Variants in ULK4 observed in about 807,000 individuals in gnomAD.
ULK4 encodes inactive serine/threonine-protein kinase ULK4.
ULK4 carries 133 observed loss-of-function variants against 160.6 expected under a neutral mutation model. The observed-to-expected ratio is 0.83, with a 90% CI of 0.72 to 0.96. The LOEUF (loss-of-function observed/expected upper bound fraction) is 0.96. ULK4 is among the 40% of genes least tolerant of loss of function. The pLI, the probability that ULK4 is intolerant of heterozygous loss-of-function variation, is 0.00. For synonymous variants in ULK4, 534 were observed against 539.8 expected, an observed-to-expected ratio of 0.99 and a Z score of 0.15; for missense variants, 1,580 against 1,499.5, an observed-to-expected ratio of 1.05 and a Z score of -0.89.
chr3:41,656,145 G>A (rs577145082), intron 30 of ULK4, among the ~76,000 whole-genome samples: 1 of 152,082 alleles, frequency 6.6e-6, no homozygotes, highest in African/African-American at 2.4e-5. Flanking sequence ...TTCTGTCAAT[G>A]GGATTACCTC....
At chr3:41,305,351 A>C (rs1006972263) in intron 35 of ULK4, among the ~76,000 whole-genome samples, 5 of 152,176 alleles carry the variant, frequency 3.3e-5, no homozygotes, top group African/African-American at 1.2e-4. Flanking sequence ...CTGACTGAGC[A>C]TGCTGAGTGC....
chr3:41,406,514 G>A (rs886951899), intron 34 of ULK4, among the ~76,000 whole-genome samples: 2 of 152,162 alleles, frequency 1.3e-5, no homozygotes, highest in Non-Finnish European at 2.9e-5. Context: ...AATGTCGGTA[G>A]CTTGATAGGA....
chr3:41,797,916 AAGAAAAGAAAAG>A (rs572221260), intron 20 of ULK4, among the ~76,000 whole-genome samples: 30 of 150,934 alleles, frequency 2.0e-4, no homozygotes, highest in Admixed American at 4.6e-4. Flanking sequence ...AACAAAACAA[AAGAAAAGAAAAG>A]AGAAAAGAAA....
intron 22 of ULK4, among the ~76,000 whole-genome samples, chr3:41,740,494 C>A (rs1035659990): frequency 4.6e-5 from 7 of 151,718 alleles, no homozygotes; most frequent in African/African-American, 1.7e-4. Flanking sequence ...GAGTATGAAG[C>A]CATTTGGAGA....
At chr3:41,736,667 C>G (rs1485027652) in intron 22 of ULK4, among the ~76,000 whole-genome samples, 8 of 151,144 alleles carry the variant, frequency 5.3e-5, no homozygotes, top group Admixed American at 5.3e-4. Flanking sequence ...ATGGTAGTTT[C>G]TTTTGCTGTG....
intron 5 of ULK4, among the ~76,000 whole-genome samples, chr3:41,931,202 G>A (rs996909080): frequency 3.3e-5 from 5 of 152,004 alleles, no homozygotes; most frequent in East Asian, 1.9e-4. Flanking sequence ...GAAGCTGGAC[G>A]CCATCATTCT....
rs558472165 is a variant in ULK4, at chr3:41,807,745, C to T, written c.1849-7452G>A. Among the ~76,000 whole-genome samples, 4 of 152,230 alleles carry T rather than the reference C, an allele frequency of 2.6e-5. No individual in the cohort carries two copies. In the East Asian group the frequency reaches 5.8e-4, roughly 22 times the overall value. On this transcript the variant is annotated intron_variant, in intron 19 of 36. Coordinates refer to ENST00000301831, the MANE Select transcript of ULK4 (RefSeq NM_017886.4). Reference sequence around the variant, plus strand: ...GAAATCTTAAATATCCTTCAATTTCCCAAACTTCAACACATTTTTCATTTC... The same window carrying T: ...GAAATCTTAAATATCCTTCAATTTCTCAAACTTCAACACATTTTTCATTTC...
At position 41,773,803 on chromosome 3, in the gene ULK4, G is replaced by A. The variant is rs201165103; in HGVS notation, c.2193+15858C>T. Among the ~76,000 whole-genome samples the A allele has an allele frequency of 3.1e-3, 469 of 152,188 alleles. 12 individuals carry two copies. The East Asian group carries it at 0.066, about 21-fold the overall frequency. On this transcript the variant is annotated intron_variant, in intron 21 of 36. Coordinates refer to ENST00000301831, the MANE Select transcript of ULK4 (RefSeq NM_017886.4). The stretch of plus-strand genomic sequence containing the variant: ...AAAAGAACAAAGCTGGAGGCATCAC[G>A]CTACCTGACTTCAAACTATACTACA...
chr3:41,566,550 T>C (rs1002489520), intron 31 of ULK4, among the ~76,000 whole-genome samples: 5 of 152,254 alleles, frequency 3.3e-5, no homozygotes, highest in African/African-American at 7.2e-5. Flanking sequence ...CCCACTTTAG[T>C]ACATTTGATC....
At chr3:41,536,800 G>A (rs1169925149) in intron 32 of ULK4, among the ~76,000 whole-genome samples, 1 of 152,104 alleles carries the variant, frequency 6.6e-6, no homozygotes, top group African/African-American at 2.4e-5. Flanking sequence ...AGAGGTGGAA[G>A]GGCAAACAGG....
intron 30 of ULK4, among the ~76,000 whole-genome samples, chr3:41,617,829 C>T (rs1264569642): frequency 6.6e-6 from 1 of 152,108 alleles, no homozygotes; most frequent in Non-Finnish European, 1.5e-5. Flanking sequence ...CTCCTCTGAA[C>T]TAAAGCAGCA....
chr3:41,583,568 A>C (rs1015340163), intron 31 of ULK4, among the ~76,000 whole-genome samples: 6 of 152,256 alleles, frequency 3.9e-5, no homozygotes, highest in African/African-American at 1.4e-4. Flanking sequence ...ATGTTAGGCC[A>C]GGAAGCTCCT....
intron 34 of ULK4, among the ~76,000 whole-genome samples, chr3:41,443,640 T>C (rs188762761): frequency 1.6e-4 from 25 of 152,284 alleles, no homozygotes; most frequent in African/African-American, 5.8e-4. Flanking sequence ...ACATTATTAA[T>C]ATTAAACTGA....
intron 29 of ULK4, among the ~76,000 whole-genome samples, chr3:41,664,135 T>C (rs2035278134): frequency 6.6e-6 from 1 of 152,196 alleles, no homozygotes; most frequent in Admixed American, 6.5e-5. Context: ...CTTCATAAAA[T>C]ATTGCTGTTG....
intron 34 of ULK4, among the ~76,000 whole-genome samples, chr3:41,450,051 A>G (rs1327987559): frequency 6.6e-6 from 1 of 151,936 alleles, no homozygotes; most frequent in Non-Finnish European, 1.5e-5. Flanking sequence ...AATATTTTTA[A>G]AATAATACCA....
intron 17 of ULK4, among the ~76,000 whole-genome samples, chr3:41,880,849 G>A (rs1239635679): frequency 1.3e-5 from 2 of 152,110 alleles, no homozygotes; most frequent in Non-Finnish European, 2.9e-5. Context: ...CTTCAACCCG[G>A]GAGGCAGAGG....
At chr3:41,617,590 AC>A (rs2033038323) in intron 30 of ULK4, among the ~76,000 whole-genome samples, 1 of 149,684 alleles carries the variant, frequency 6.7e-6, no homozygotes, top group African/African-American at 2.5e-5. Flanking sequence ...AACATAAAAA[AC>A]CCCCACACAA....
chr3:41,372,787 A>C (rs1482302164), intron 35 of ULK4, among the ~76,000 whole-genome samples: 1 of 152,204 alleles, frequency 6.6e-6, no homozygotes, highest in East Asian at 1.9e-4. Context: ...TTCACACATA[A>C]AAATATTAAC....
chr3:41,314,008 T>C (rs1449082154), intron 35 of ULK4, among the ~76,000 whole-genome samples: 1 of 152,094 alleles, frequency 6.6e-6, no homozygotes, highest in Non-Finnish European at 1.5e-5. Context: ...GGGTTCCAGC[T>C]TGGGCAAGCA....
Sources: allele counts gnomAD v4.1 joint callset (sites outside exome capture counted in the v4.1 genomes callset), GRCh38; gene constraint gnomAD v4.1.1; transcripts MANE v1.5; gene names NCBI Gene and HGNC (gene_info 2026-07-23, HGNC 2026-07-21).